BTNL8: variants seen among roughly 807,000 people sequenced by gnomAD.
BTNL8 encodes butyrophilin like 8.
Under a neutral mutation model 36.1 loss-of-function variants are expected in BTNL8, and 22 were observed. The observed-to-expected ratio is 0.61, with a 90% confidence interval of 0.44 to 0.87. The LOEUF is 0.87. Among genes scored for constraint, BTNL8 ranks in the 40% least tolerant of loss-of-function variants. The pLI is 0.00. For missense variants in BTNL8, 526 were observed against 616.9 expected (o/e 0.85, Z 1.56); for synonymous variants, 203 against 235.6 (o/e 0.86, Z 1.27).
At chr5:180,942,920 A>G (rs935154113) in intron 3 of BTNL8, among the ~76,000 whole-genome samples, 3 of 152,142 alleles carry the variant, frequency 2.0e-5, no homozygotes, top group Non-Finnish European at 4.4e-5. Flanking sequence ...AGACAATAAA[A>G]GCAGAAACAG....
rs1345932565 is a variant in BTNL8, at chr5:180,935,577, T to A, written c.674-11935T>A. On this transcript the variant is annotated intron_variant, in intron 3 of 7. Transcript: ENST00000340184. This position sits in a 1 kb window ranked among gnomAD's most constrained non-coding sequence, Gnocchi z 4.8. ...AGGGTAGGAAGCAGAAGCAGGCACT[T>A]CTGAGCCTGCAGGGGCAGAGAGGGT... 6.6e-6 allele frequency among the ~76,000 whole-genome samples: 1 copy of A among 152,202 alleles called. No homozygotes were observed. Among genetic ancestry groups the A allele is most frequent in the Non-Finnish European group, 1.5e-5 (1 of 68,020 alleles).
rs1053655108 is a variant in BTNL8, at chr5:180,935,858, T to C, written c.674-11654T>C. ...CTGTTATCAACATCATACTTAAACA[T>C]GAAAAGTGGAACACTTTTCCTGCTA... On this transcript the variant is annotated intron_variant, in intron 3 of 7. Transcript: ENST00000340184. This position sits in a 1 kb window ranked among gnomAD's most constrained non-coding sequence, Gnocchi z 4.8. Among the ~76,000 whole-genome samples the C allele has an allele frequency of 2.0e-5, 3 of 151,798 alleles. No homozygotes were observed. Among genetic ancestry groups the C allele is most frequent in the African/African-American group, 7.3e-5 (3 of 41,318 alleles).
At chr5:180,912,251 C>T (rs766411017) in intron 3 of BTNL8, among the ~76,000 whole-genome samples, 7 of 152,098 alleles carry the variant, frequency 4.6e-5, no homozygotes, top group South Asian at 2.1e-4. Context: ...CTGGTTTCAA[C>T]GTAAATGAAC....
chr5:180,917,731 A>G (rs1757698186), intron 3 of BTNL8, among the ~76,000 whole-genome samples: 1 of 152,214 alleles, frequency 6.6e-6, no homozygotes, highest in East Asian at 1.9e-4. Flanking sequence ...TTAAAGAAAA[A>G]TTAACACAAA....
intron 2 of BTNL8, among the ~76,000 whole-genome samples, chr5:180,911,108 G>A (rs1757370163): frequency 6.6e-6 from 1 of 152,196 alleles, no homozygotes; most frequent in Non-Finnish European, 1.5e-5. Flanking sequence ...AAGCAGTTTT[G>A]TCTTACTTCA....
chr5:180,908,295 T>C (rs1451318258), intron 1 of BTNL8, among the ~76,000 whole-genome samples: 1 of 152,060 alleles, frequency 6.6e-6, no homozygotes, highest in African/African-American at 2.4e-5. Context: ...CGTCACCCCT[T>C]TCTTTGACTC....
intron 1 of BTNL8, among the ~76,000 whole-genome samples, chr5:180,901,959 G>A (rs1184559937): frequency 6.6e-6 from 1 of 152,164 alleles, no homozygotes; most frequent in Non-Finnish European, 1.5e-5. Flanking sequence ...GGCAGAACAA[G>A]CAGATTTTCA....
intron 3 of BTNL8, among the ~76,000 whole-genome samples, chr5:180,946,235 A>T (rs1171498350): frequency 2.0e-5 from 3 of 152,182 alleles, no homozygotes; most frequent in East Asian, 1.9e-4. Context: ...GAGTTTTCTT[A>T]AAAAACTAAG....
At chr5:180,902,237 A>T in intron 1 of BTNL8, 1 of 972,608 alleles carries the variant, frequency 1.0e-6, no homozygotes, top group Non-Finnish European at 1.5e-6. Context: ...ATGTGGCAAT[A>T]GAACCTCCTG....
At chr5:180,904,737 G>C (rs1479219909) in intron 1 of BTNL8, among the ~76,000 whole-genome samples, 8 of 144,056 alleles carry the variant, frequency 5.6e-5, no homozygotes, top group African/African-American at 1.6e-4. Flanking sequence ...TAGCATGAAG[G>C]GTTGTTGAAT....
At chr5:180,929,271 C>G (rs1456030787) in intron 3 of BTNL8, among the ~76,000 whole-genome samples, 1 of 152,072 alleles carries the variant, frequency 6.6e-6, no homozygotes. Context: ...CCAATGAGAA[C>G]AAAGACACAA....
intron 1 of BTNL8, among the ~76,000 whole-genome samples, chr5:180,901,036 C>T (rs1384877649): frequency 1.3e-5 from 2 of 152,320 alleles, no homozygotes; most frequent in African/African-American, 2.4e-5. Context: ...AATGCCCATC[C>T]CACTGCAGGG....
chr5:180,916,734 GC>G (rs1481775695), intron 3 of BTNL8, among the ~76,000 whole-genome samples: 3 of 152,150 alleles, frequency 2.0e-5, no homozygotes, highest in African/African-American at 7.2e-5. Flanking sequence ...CCCAGTGAAT[GC>G]CACAAACCAC....
intron 3 of BTNL8, among the ~76,000 whole-genome samples, chr5:180,919,621 T>C (rs1196763232): frequency 6.6e-6 from 1 of 152,150 alleles, no homozygotes; most frequent in Non-Finnish European, 1.5e-5. Flanking sequence ...ATGTCTCTGT[T>C]TGGAGATGAC....
intron 1 of BTNL8, among the ~76,000 whole-genome samples, chr5:180,906,303 T>G (rs1031726394): frequency 7.1e-6 from 1 of 141,238 alleles, no homozygotes; most frequent in African/African-American, 2.9e-5. Flanking sequence ...TTTTGATCTT[T>G]GTTGGTTTAA....
At chr5:180,937,144 T>G (rs1758689943) in intron 3 of BTNL8, among the ~76,000 whole-genome samples, 1 of 152,208 alleles carries the variant, frequency 6.6e-6, no homozygotes, top group Admixed American at 6.5e-5. Context: ...CTTGCAGAGC[T>G]GCTGCATGCT....
At chr5:180,912,268 C>A (rs1757436076) in intron 3 of BTNL8, among the ~76,000 whole-genome samples, 1 of 152,130 alleles carries the variant, frequency 6.6e-6, no homozygotes, top group Non-Finnish European at 1.5e-5. Flanking sequence ...GAACCATTGG[C>A]TCTCCTGGGG....
intron 3 of BTNL8, among the ~76,000 whole-genome samples, chr5:180,914,001 A>C (rs1757516553): frequency 2.0e-5 from 3 of 152,254 alleles, no homozygotes; most frequent in African/African-American, 4.8e-5. Flanking sequence ...AAGCACACAC[A>C]GACCATAAAT....
Position 180,948,176 on chromosome 5 carries a change from G to T in BTNL8, c.788-179G>T, listed in dbSNP as rs560970560. The stretch of plus-strand genomic sequence containing the variant: ...TTAGCATGCACCTTCCTGATCTCTT[G>T]CTCCACCCCAGAGAGCCACACTCCG... On this transcript the variant is annotated intron_variant, in intron 4 of 7. Transcript: ENST00000340184. 204 of 954,032 alleles carry T rather than the reference G, an allele frequency of 2.1e-4. 10 individuals are homozygous for T. The highest frequency in any genetic ancestry group is 3.0e-4 in the Non-Finnish European group (190 of 636,392). The allele number at this position is 954,032 out of a possible 1,614,324, so 59.1% of individuals were successfully genotyped here. A position where few individuals can be genotyped will look rare whatever the true frequency, so the allele number is the denominator to read the frequency against.
Sources: gnomAD v4.1 joint callset for allele counts (sites outside exome capture counted in the v4.1 genomes callset) on GRCh38, gnomAD v4.1.1 for gene constraint, Gnocchi (gnomAD v3.1) non-coding constraint, MANE v1.5 for transcripts, NCBI Gene and HGNC (gene_info 2026-07-23, HGNC 2026-07-21) for gene names.